Variants in CAB39L observed in about 807,000 individuals in gnomAD.
CAB39L encodes calcium binding protein 39 like.
A neutral mutation model predicts 39.1 loss-of-function variants in CAB39L; 23 were observed. That is an observed-to-expected ratio of 0.59 (90% CI 0.42 to 0.83). The LOEUF is 0.83. Ranked by LOEUF, CAB39L falls within the 40% of genes least tolerant of loss-of-function variation. The pLI is 0.00. For missense variants in CAB39L, 366 were observed against 391.9 expected (o/e 0.93, Z 0.56); for synonymous variants, 126 against 137.2 (o/e 0.92, Z 0.57).
At chr13:49,425,656 T>C (rs980803677) in intron 3 of CAB39L, among the ~76,000 whole-genome samples, 8 of 152,236 alleles carry the variant, frequency 5.3e-5, no homozygotes, top group Non-Finnish European at 4.4e-5. Context: ...AGAAGCAAGT[T>C]AATTCACTGA....
intron 1 of CAB39L, 49 bp from the exon 2 acceptor site, chr13:49,434,272 T>C (rs753794656): frequency 5.0e-5 from 21 of 417,850 alleles, no homozygotes; most frequent in South Asian, 3.7e-4. Flanking sequence ...CACATCAATC[T>C]GGTTTTAAAT....
At chr13:49,409,450 TAA>T (rs34396787) in intron 3 of CAB39L, among the ~76,000 whole-genome samples, 4 of 143,502 alleles carry the variant, frequency 2.8e-5, no homozygotes, top group Non-Finnish European at 4.6e-5. Context: ...TTGTTTGCTT[TAA>T]AAAAAAAAAA....
chr13:49,376,847 A>G, intron 5 of CAB39L, 120 bp downstream of exon 5: 1 of 781,190 alleles, frequency 1.3e-6, no homozygotes, highest in Non-Finnish European at 1.9e-6. Flanking sequence ...AAAACTTTAA[A>G]AAATAACACA....
At chr13:49,371,319 C>T (rs1955912230) in intron 5 of CAB39L, among the ~76,000 whole-genome samples, 1 of 151,940 alleles carries the variant, frequency 6.6e-6, no homozygotes, top group African/African-American at 2.4e-5. Flanking sequence ...TCCCAAGTAG[C>T]TAGGATTACA....
intron 3 of CAB39L, among the ~76,000 whole-genome samples, chr13:49,431,104 T>C (rs369101167): frequency 3.9e-5 from 6 of 152,352 alleles, no homozygotes; most frequent in African/African-American, 1.4e-4. Flanking sequence ...GAAACCATCA[T>C]CACATCAAGA....
intron 3 of CAB39L, among the ~76,000 whole-genome samples, chr13:49,384,517 G>A (rs567258803): frequency 7.2e-4 from 109 of 152,134 alleles, no homozygotes; most frequent in African/African-American, 2.5e-3. Flanking sequence ...TTTTACAGCA[G>A]GTTTTTCTAT....
At position 49,358,968 on chromosome 13, in the gene CAB39L, A is replaced by G. The variant is rs184398579; in HGVS notation, c.395+746T>C. Among the ~76,000 whole-genome samples, 536 of 152,370 alleles carry G rather than the reference A, an allele frequency of 3.5e-3. 2 individuals carry two copies. The highest frequency in any genetic ancestry group is 7.6e-3 in the Admixed American group (116 of 15,306). On this transcript the variant is annotated intron_variant, in intron 6 of 10. Transcript: ENST00000409308. ...TGATACAATTAAATATTTAAAATGT[A>G]CAAGAGAGAAAATGAACACAGGTGA... is the stretch of plus-strand genomic sequence containing the variant.
At chr13:49,343,026 T>C (rs1955048058) in intron 8 of CAB39L, among the ~76,000 whole-genome samples, 1 of 152,204 alleles carries the variant, frequency 6.6e-6, no homozygotes, top group Non-Finnish European at 1.5e-5. Context: ...AGTTACATAG[T>C]GGCTCTCATT....
chr13:49,358,893 A>G (rs1955556142), intron 6 of CAB39L, among the ~76,000 whole-genome samples: 1 of 152,156 alleles, frequency 6.6e-6, no homozygotes, highest in African/African-American at 2.4e-5. Flanking sequence ...AAAAAGAGAC[A>G]AAGAACTGCT....
intron 3 of CAB39L, among the ~76,000 whole-genome samples, chr13:49,414,421 T>C (rs556417053): frequency 6.6e-6 from 1 of 152,284 alleles, no homozygotes; most frequent in Admixed American, 6.5e-5. Context: ...AAAGCTATCC[T>C]GAGAAAATAG....
Position 49,310,065 on chromosome 13 carries a change from A to G in CAB39L, c.*749T>C, listed in dbSNP as rs1953942495. 1 of 152,402 alleles carries G rather than the reference A, an allele frequency of 6.6e-6. No homozygotes were observed. The highest frequency in any genetic ancestry group is 2.4e-5 in the African/African-American group (1 of 41,450). 9.4% of individuals were successfully genotyped at this position (152,402 alleles called of 1,614,324 possible). A position where few individuals can be genotyped will look rare whatever the true frequency, so the allele number is the denominator to read the frequency against. ...GCTAATATGGAGCAGCAGTCACTCT[A>G]TCCAGAGCCACATGTTCACAGTTCT... is the stretch of plus-strand genomic sequence containing the variant. On this transcript the variant is annotated 3_prime_UTR_variant, in exon 11 of 11. Transcript: ENST00000409308.
intron 3 of CAB39L, chr13:49,412,804 C>T (rs926283128): frequency 1.3e-5 from 2 of 152,218 alleles, no homozygotes; most frequent in African/African-American, 4.8e-5. Flanking sequence ...AGATCCCTCA[C>T]ATGCACAGTT....
chr13:49,385,156 A>G (rs988246998), intron 3 of CAB39L, among the ~76,000 whole-genome samples: 2 of 152,200 alleles, frequency 1.3e-5, no homozygotes, highest in African/African-American at 2.4e-5. Flanking sequence ...TCTCAGCTAG[A>G]TCTTCTGGAT....
intron 3 of CAB39L, among the ~76,000 whole-genome samples, chr13:49,405,751 G>GGAAGGAAGGA (rs1478083608): frequency 7.3e-5 from 5 of 68,960 alleles, no homozygotes; most frequent in Admixed American, 1.2e-4. Context: ...GGAAGGAAGG[G>GGAAGGAAGGA]AGGGAGGGAC....
intron 4 of CAB39L, among the ~76,000 whole-genome samples, chr13:49,382,211 C>T (rs1956265456): frequency 6.6e-6 from 1 of 151,902 alleles, no homozygotes; most frequent in South Asian, 2.1e-4. Context: ...AGATTTGGCT[C>T]AATATTACAA....
chr13:49,443,003 G>C (rs1343213257), intron 1 of CAB39L, among the ~76,000 whole-genome samples: 1 of 147,076 alleles, frequency 6.8e-6, no homozygotes, highest in African/African-American at 2.5e-5. Context: ...CAAAATATTA[G>C]CCTTTCATCA....
intron 3 of CAB39L, among the ~76,000 whole-genome samples, chr13:49,383,532 A>G (rs1325443116): frequency 6.6e-6 from 1 of 152,226 alleles, no homozygotes; most frequent in Non-Finnish European, 1.5e-5. Context: ...GTAGAATTTT[A>G]AAAAGAAGCC....
At chr13:49,319,308 C>A (rs1301031956) in intron 10 of CAB39L, among the ~76,000 whole-genome samples, 1 of 151,952 alleles carries the variant, frequency 6.6e-6, no homozygotes, top group Non-Finnish European at 1.5e-5. Context: ...CATGGATGAA[C>A]CTTGAAAACA....
chr13:49,340,894 C>G (rs914799793), intron 8 of CAB39L, among the ~76,000 whole-genome samples: 2 of 152,142 alleles, frequency 1.3e-5, no homozygotes, highest in Admixed American at 1.3e-4. Context: ...GGAGCTTCAG[C>G]AGCTGTGAAA....
Sources: allele counts gnomAD v4.1 joint callset (sites outside exome capture counted in the v4.1 genomes callset), GRCh38; gene constraint gnomAD v4.1.1; transcripts MANE v1.5; gene names NCBI Gene and HGNC (gene_info 2026-07-23, HGNC 2026-07-21).